Variants in POSTN observed in about 807,000 individuals in gnomAD.
POSTN encodes periostin.
In POSTN, 71 loss-of-function variants were observed where a neutral mutation model predicts 104.5. The ratio of observed to expected loss-of-function variants is 0.68; its 90% confidence interval spans 0.56 to 0.83. The LOEUF is 0.83. Among genes scored for constraint, POSTN ranks in the 40% least tolerant of loss-of-function variants. POSTN has a pLI of 0.00. For synonymous variants in POSTN, 355 were observed against 340.7 expected, an observed-to-expected ratio of 1.04 and a Z score of -0.46; for missense variants, 949 against 1,006.8, an observed-to-expected ratio of 0.94 and a Z score of 0.78.
chr13:37,569,181 A>T, intron 21 of POSTN, 119 bp downstream of exon 21: 2 of 626,530 alleles, frequency 3.2e-6, no homozygotes, highest in Non-Finnish European at 5.4e-6. Context: ...ACAACAGTGG[A>T]TGTTGTCTTT....
chr13:37,591,525 G>C (rs926176035), intron 3 of POSTN, among the ~76,000 whole-genome samples: 1 of 152,102 alleles, frequency 6.6e-6, no homozygotes, highest in African/African-American at 2.4e-5. Flanking sequence ...TGTTATAATG[G>C]GGAGGGCTTC....
intron 21 of POSTN, chr13:37,565,542 G>A (rs943203069): frequency 1.3e-5 from 2 of 151,930 alleles, no homozygotes; most frequent in East Asian, 1.9e-4. Flanking sequence ...ACCATGAATA[G>A]TTTTGGCTAT....
At chr13:37,570,757 A>C in intron 18 of POSTN, 88 bp from the exon 19 acceptor site, 1 of 813,548 alleles carries the variant, frequency 1.2e-6, no homozygotes. Flanking sequence ...GATTAACTAT[A>C]TTTCTACAAA....
At chr13:37,592,026 G>T in intron 3 of POSTN, 74 bp downstream of exon 3, 1 of 965,900 alleles carries the variant, frequency 1.0e-6, no homozygotes, top group Non-Finnish European at 1.7e-6. Flanking sequence ...ATACACAATT[G>T]GCTTCTCCAC....
chr13:37,585,525 A>T (rs1268301611), intron 7 of POSTN, among the ~76,000 whole-genome samples: 3 of 152,196 alleles, frequency 2.0e-5, no homozygotes, highest in Non-Finnish European at 4.4e-5. Flanking sequence ...CCGGAAGGCA[A>T]CTTCTAGAAA....
chr13:37,579,146 A>G (rs752265138), intron 13 of POSTN, 25 bp from the exon 14 acceptor site: 3 of 1,605,976 alleles, frequency 1.9e-6, no homozygotes, highest in Admixed American at 3.3e-5. Flanking sequence ...GGCAATTTCA[A>G]TGAGGAAATT....
intron 4 of POSTN, among the ~76,000 whole-genome samples, chr13:37,589,734 A>G (rs1950872286): frequency 6.6e-6 from 1 of 152,220 alleles, no homozygotes; most frequent in East Asian, 1.9e-4. Flanking sequence ...TTTATTATGT[A>G]TATTTCACTC....
At position 37,563,467 on chromosome 13, in the gene POSTN, AT is replaced by A. The variant is rs1448344899; in HGVS notation, c.2474-98del. The A allele has an allele frequency of 9.9e-5, 58 of 586,308 alleles. No individual in the cohort carries two copies. In the Middle Eastern group the frequency reaches 1.5e-3, roughly 15 times the overall value. The allele number at this position is 586,308 out of a possible 1,614,324, so 36.3% of individuals were successfully genotyped here. A position where few individuals can be genotyped will look rare whatever the true frequency, so the allele number is the denominator to read the frequency against. ...CTCTGTATATCTATCAGAGGCCATT[AT>A]TTTTTGTAATAAACCTTAGATTATG... On this transcript the variant is annotated intron_variant, in intron 22 of 22. Coordinates refer to ENST00000379747, the MANE Select transcript of POSTN (RefSeq NM_006475.3).
chr13:37,567,345 C>T (rs1227977087), intron 21 of POSTN, among the ~76,000 whole-genome samples: 1 of 149,274 alleles, frequency 6.7e-6, no homozygotes, highest in Non-Finnish European at 1.5e-5. Context: ...GAGCATGGTT[C>T]AGATATGTAT....
At chr13:37,589,108 T>C (rs1343219312) in intron 4 of POSTN, among the ~76,000 whole-genome samples, 1 of 151,974 alleles carries the variant, frequency 6.6e-6, no homozygotes, top group Non-Finnish European at 1.5e-5. Context: ...GGAAAGAAAA[T>C]TGCATATGTT....
rs1951164236 is a variant in POSTN, at chr13:37,598,762, A to G, written c.-36T>C. On this transcript the variant is annotated 5_prime_UTR_variant, in exon 1 of 23. Coordinates refer to ENST00000379747, the MANE Select transcript of POSTN (RefSeq NM_006475.3). ...TCCGTTGCAGTTAGTCCCCGAAGAGAACTGGCAGTGGGCTTTGGAGAGCTC... is the reference window on the plus strand; with the variant it reads ...TCCGTTGCAGTTAGTCCCCGAAGAGGACTGGCAGTGGGCTTTGGAGAGCTC... 1.9e-6 allele frequency: 3 copies of G among 1,607,954 alleles called. No homozygotes were observed. Among genetic ancestry groups the G allele is most frequent in the Non-Finnish European group, 2.6e-6 (3 of 1,175,938 alleles).
Position 37,586,150 on chromosome 13 carries a change from A to G in POSTN, c.884T>C (p.Val295Ala), listed in dbSNP as rs1190348181. 1.2e-6 allele frequency: 2 copies of G among 1,611,226 alleles called. No homozygotes were observed. Among genetic ancestry groups the G allele is most frequent in the South Asian group, 2.2e-5 (2 of 90,684 alleles). Reference sequence around the variant, plus strand: ...AGACATTAAACTACCTTCGGAAGCCACTTTGTCTCCCATGATCCTTTCTAG... The same window carrying G: ...AGACATTAAACTACCTTCGGAAGCCGCTTTGTCTCCCATGATCCTTTCTAG... ...GVLERIMGDK[V>A]ASEALMKYHI... is the part of the protein sequence containing the mutation. The change falls in exon 7 of 23, where the codon GTG (valine) becomes GCG (alanine). Residue 295 changes from valine (V) to alanine (A), a missense_variant. By Grantham distance (64) the Val-to-Ala change is moderately conservative. Transcript: ENST00000379747.
intron 15 of POSTN, among the ~76,000 whole-genome samples, chr13:37,578,330 G>T (rs1950474362): frequency 6.6e-6 from 1 of 152,048 alleles, no homozygotes; most frequent in African/African-American, 2.4e-5. Flanking sequence ...GCTTTTAATA[G>T]ATATTTGTTG....
rs563075469 is a variant in POSTN, at chr13:37,564,300, C to T, written c.2473+219G>A. Among the ~76,000 whole-genome samples, 649 of 144,526 alleles carry T rather than the reference C, an allele frequency of 4.5e-3. 3 individuals carry two copies. The highest frequency in any genetic ancestry group is 0.015 in the African/African-American group (615 of 39,716). The allele number at this position is 144,526 out of a possible 152,430, so 94.8% of individuals were successfully genotyped here. On this transcript the variant is annotated intron_variant, in intron 22 of 22. Transcript: ENST00000379747. ...CTAGCAGTTTACATGAGTATGTTGA[C>T]CTTTCCCTTAATATTTGTTATTAGA...
intron 4 of POSTN, among the ~76,000 whole-genome samples, chr13:37,589,686 AGT>A (rs1304343397): frequency 1.3e-5 from 2 of 152,210 alleles, no homozygotes; most frequent in Non-Finnish European, 2.9e-5. Context: ...CCACACAGCT[AGT>A]GTAGCAAGAT....
chr13:37,594,865 C>T (rs926233085), intron 2 of POSTN, among the ~76,000 whole-genome samples: 1 of 152,104 alleles, frequency 6.6e-6, no homozygotes, highest in African/African-American at 2.4e-5. Context: ...GTCAGTCTTC[C>T]TGTCAATAGT....
chr13:37,563,356 A>G lies in POSTN; in HGVS notation c.2488T>C (p.Leu830=). Residue 830 remains leucine (L), a synonymous_variant, in exon 23 of 23, where the codon TTA becomes CTA. Transcript: ENST00000379747. ...NKKVQGSRRR[L]REGRSQ is the part of the protein sequence containing the mutation. ...TTTCACTGAGAACGACCTTCCCTTA[A>G]TCGTCTTCTAGATCCTAATTAGAAA... 1.3e-6 allele frequency: 2 copies of G among 1,587,660 alleles called. No individual in the cohort carries two copies. The highest frequency in any genetic ancestry group is 1.7e-6 in the Non-Finnish European group (2 of 1,159,946).
chr13:37,577,656 A>T (rs1950447475), intron 16 of POSTN, 97 bp downstream of exon 16: 2 of 1,472,922 alleles, frequency 1.4e-6, no homozygotes, highest in Admixed American at 4.5e-5. Flanking sequence ...AATTCTAAAT[A>T]CCAGATTATC....
chr13:37,579,887 GTCAT>G lies in POSTN; in HGVS notation c.1630_1633del (p.Met544LeufsTer8). ...TATCAGAATTTCTTTTTCTTCACTA[GTCAT>G]TCCCTTAAAAGCATCATTGGTTGGC... is the stretch of plus-strand genomic sequence containing the variant. On this transcript the variant is annotated frameshift_variant, in exon 12 of 23. Coordinates refer to ENST00000379747, the MANE Select transcript of POSTN (RefSeq NM_006475.3). LOFTEE classifies it high-confidence loss of function. 6.2e-7 allele frequency: 1 copy of G among 1,612,892 alleles called. No homozygotes were observed. The highest frequency in any genetic ancestry group is 8.5e-7 in the Non-Finnish European group (1 of 1,179,476).
Sources: allele counts gnomAD v4.1 joint callset (sites outside exome capture counted in the v4.1 genomes callset), GRCh38; gene constraint gnomAD v4.1.1; transcripts MANE v1.5; gene names NCBI Gene and HGNC (gene_info 2026-07-23, HGNC 2026-07-21).